The following ADSL variants were observed in gnomAD, a reference collection of about 807,000 sequenced individuals.
The protein encoded by ADSL is adenylosuccinase.
A neutral mutation model predicts 62.1 loss-of-function variants in ADSL; 44 were observed. The ratio of observed to expected loss-of-function variants is 0.71; its 90% CI spans 0.56 to 0.91. The LOEUF (loss-of-function observed/expected upper bound fraction) is 0.91. ADSL is among the 40% of genes least tolerant of loss of function. The probability of loss-of-function intolerance (pLI) is 0.00; values close to 1 mark genes in which losing one functional copy is unlikely to be tolerated. For synonymous variants in ADSL, 198 were observed against 220.5 expected (o/e 0.90, Z 0.90); for missense variants, 531 against 627.4 (o/e 0.85, Z 1.64).
At chr22:40,366,133 G>A (rs2044996142) in intron 12 of ADSL, among the ~76,000 whole-genome samples, 1 of 152,062 alleles carries the variant, frequency 6.6e-6, no homozygotes, top group Non-Finnish European at 1.5e-5. Flanking sequence ...TACTTGAAGA[G>A]GGCTGGGAAG....
chr22:40,362,166 A>G (rs1260416270), intron 9 of ADSL, among the ~76,000 whole-genome samples: 4 of 152,136 alleles, frequency 2.6e-5, no homozygotes, highest in Non-Finnish European at 4.4e-5. Context: ...ATAATTTGTA[A>G]CTACTGTTGA....
At chr22:40,362,876 G>T in intron 9 of ADSL, 105 bp from the exon 10 acceptor site, 1 of 1,066,202 alleles carries the variant, frequency 9.4e-7, no homozygotes, top group South Asian at 1.3e-5. Flanking sequence ...GATTGAAGGA[G>T]ATTATCCAGA....
At chr22:40,351,805 C>T (rs1225713997) in intron 2 of ADSL, 1 of 152,244 alleles carries the variant, frequency 6.6e-6, no homozygotes, top group Admixed American at 6.5e-5. Flanking sequence ...AGGCGCCCGC[C>T]ACCACACCCG....
At chr22:40,349,414 G>T (rs77810402) in intron 1 of ADSL, among the ~76,000 whole-genome samples, 36 of 143,172 alleles carry the variant, frequency 2.5e-4, no homozygotes, top group Non-Finnish European at 4.5e-5. Context: ...TTACTCTGTT[G>T]CCCAGGCTGG....
chr22:40,380,646 T>C (rs1198960071), intron 2 of ADSL, among the ~76,000 whole-genome samples: 2 of 152,116 alleles, frequency 1.3e-5, no homozygotes, highest in South Asian at 2.1e-4. Context: ...CCTATAACTT[T>C]ATAATCATAA....
chr22:40,386,331 G>T (rs1466233981), intron 2 of ADSL, among the ~76,000 whole-genome samples: 1 of 152,126 alleles, frequency 6.6e-6, no homozygotes, highest in East Asian at 1.9e-4. Flanking sequence ...ATAATATAAA[G>T]ATATGGACTG....
intron 2 of ADSL, chr22:40,350,463 T>C (rs17001848): frequency 0.02 from 3,714 of 184,070 alleles, 147 homozygotes; most frequent in African/African-American, 0.084. Flanking sequence ...TTGAAAACGC[T>C]GAGGAATTTT....
downstream of ADSL, among the ~76,000 whole-genome samples, chr22:40,370,166 C>A (rs1387078677): frequency 1.3e-5 from 2 of 151,810 alleles, no homozygotes; most frequent in Non-Finnish European, 2.9e-5. Flanking sequence ...ATGGTGAAAC[C>A]CCGTCTCTAC....
chr22:40,366,405 C>A (rs1362875038), intron 12 of ADSL, 31 bp from the exon 13 acceptor site: 1 of 1,489,962 alleles, frequency 6.7e-7, no homozygotes, highest in Middle Eastern at 1.7e-4. Flanking sequence ...TTAACATTTT[C>A]TTTTGTCTTG....
Position 40,353,241 on chromosome 22 carries a change from A to T in ADSL, c.402+124A>T. The T allele has an allele frequency of 3.9e-6, 3 of 773,086 alleles. No homozygotes were observed. The Admixed American group carries it at 5.7e-5, about 15-fold the overall frequency. 47.9% of individuals were successfully genotyped at this position (773,086 alleles called of 1,614,324 possible). A position where few individuals can be genotyped will look rare whatever the true frequency, so the allele number is the denominator to read the frequency against. ...AGACTATCATTTTTTCAGGTGAATG[A>T]CAACCCTATGTTTAATCTGTAGAAC... On this transcript the variant is annotated intron_variant, in intron 3 of 12. Transcript: ENST00000623063.
chr22:40,359,866 A>G (rs1039224471), intron 6 of ADSL, among the ~76,000 whole-genome samples: 1 of 152,214 alleles, frequency 6.6e-6, no homozygotes, highest in African/African-American at 2.4e-5. Flanking sequence ...AGGAAAAAAG[A>G]AAATGATTTA....
chr22:40,348,320 A>G, intron 1 of ADSL: 1 of 397,590 alleles, frequency 2.5e-6, no homozygotes. Flanking sequence ...CAGTTCTGCC[A>G]CATGTGGCTG....
Position 40,361,356 on chromosome 22 carries a change from A to T in ADSL, c.862+14A>T. ...AACAGCAGATTGGTGAGTGCTGTGT[A>T]GAGACCTGTGAGCACACATTGCTGC... On this transcript the variant is annotated intron_variant, in intron 8 of 12. Coordinates refer to ENST00000623063, the MANE Select transcript of ADSL (RefSeq NM_000026.4). 8 of 1,613,824 alleles carry T rather than the reference A, an allele frequency of 5.0e-6. No homozygotes were observed. The highest frequency in any genetic ancestry group is 6.8e-6 in the Non-Finnish European group (8 of 1,179,684).
downstream of ADSL, among the ~76,000 whole-genome samples, chr22:40,373,152 T>C (rs1250087807): frequency 6.6e-6 from 1 of 152,226 alleles, no homozygotes; most frequent in Non-Finnish European, 1.5e-5. Flanking sequence ...CAGACACTAG[T>C]TGTCACAGGT....
chr22:40,346,763 G>A, intron 1 of ADSL, 52 bp downstream of exon 1: 1 of 1,541,504 alleles, frequency 6.5e-7, no homozygotes, highest in African/African-American at 1.4e-5. Context: ...GCCCGCCCCA[G>A]CACGTGCCGG....
chr22:40,363,358 A>C (rs2044867484), intron 10 of ADSL, among the ~76,000 whole-genome samples: 1 of 152,192 alleles, frequency 6.6e-6, no homozygotes, highest in Admixed American at 6.5e-5. Flanking sequence ...GCCTGTTTTT[A>C]AGTACTTGAG....
chr22:40,366,246 G>T, intron 12 of ADSL, among the ~76,000 whole-genome samples, 190 bp from the exon 13 acceptor site: 1 of 152,238 alleles, frequency 6.6e-6, no homozygotes, highest in Non-Finnish European at 1.5e-5. Context: ...TGGTGAGCAT[G>T]TGGGCATGGT....
chr22:40,371,879 T>C (rs2146706148), downstream of ADSL, among the ~76,000 whole-genome samples: 1 of 151,668 alleles, frequency 6.6e-6, no homozygotes, highest in South Asian at 2.1e-4. Context: ...GTATTTTTAA[T>C]AGAGACGGGG....
In ADSL at chr22:40,366,595, T is replaced by C. The variant is rs1358233688; in HGVS notation, c.*73T>C. The C allele has an allele frequency of 9.1e-7, 1 of 1,093,776 alleles. No homozygotes were observed. Among genetic ancestry groups the C allele is most frequent in the African/African-American group, 1.6e-5 (1 of 64,310 alleles). 67.8% of individuals were successfully genotyped at this position (1,093,776 alleles called of 1,614,324 possible). On this transcript the variant is annotated 3_prime_UTR_variant, in exon 13 of 13. Transcript: ENST00000623063. The stretch of plus-strand genomic sequence containing the variant: ...AAAATTGTGTTACTATAATGCCTTA[T>C]TTTACCTCGAGAATTGTTACCTTAA...
Sources: gnomAD v4.1 joint callset for allele counts (sites outside exome capture counted in the v4.1 genomes callset) on GRCh38, gnomAD v4.1.1 for gene constraint, MANE v1.5 for transcripts, NCBI Gene and HGNC (gene_info 2026-07-23, HGNC 2026-07-21) for gene names.